PDE3A: variants seen among roughly 807,000 people sequenced by gnomAD.
PDE3A encodes the protein phosphodiesterase 3A.
Under a neutral mutation model 98.3 loss-of-function variants are expected in PDE3A, and 43 were observed. The observed-to-expected ratio is 0.44, with a 90% confidence interval of 0.34 to 0.56. PDE3A has a LOEUF of 0.56. Ranked by LOEUF, PDE3A falls within the 20% of genes least tolerant of loss-of-function variation. The pLI is 0.01. For missense variants in PDE3A, 1,427 were observed against 1,440.7 expected, an observed-to-expected ratio of 0.99 and a Z score of 0.15; for synonymous variants, 663 against 567.9, an observed-to-expected ratio of 1.17 and a Z score of -2.38.
chr12:20,521,581 T>C lies in PDE3A; in HGVS notation c.961-35079T>C, dbSNP rs1946428557. 2.0e-5 allele frequency among the ~76,000 whole-genome samples: 3 copies of C among 152,304 alleles called. No individual in the cohort carries two copies. The South Asian group carries it at 6.2e-4, about 32-fold the overall frequency. ...GTGTATTTTATACGATGCTTTGTAG[T>C]TTTGAAGTTTTGAGATAAATTATTT... On this transcript the variant is annotated intron_variant, in intron 1 of 15. Transcript: ENST00000359062.
At chr12:20,504,968 A>G (rs557372962) in intron 1 of PDE3A, among the ~76,000 whole-genome samples, 2 of 152,118 alleles carry the variant, frequency 1.3e-5, no homozygotes, top group South Asian at 4.1e-4. Context: ...TCTGCCAGGC[A>G]CTCTGAGTGT....
intron 1 of PDE3A, among the ~76,000 whole-genome samples, chr12:20,445,668 C>T (rs1944941776): frequency 6.6e-6 from 1 of 152,108 alleles, no homozygotes; most frequent in South Asian, 2.1e-4. Flanking sequence ...GGAATATGGC[C>T]TCACCTTTTC....
chr12:20,589,288 G>C (rs1018665882), intron 2 of PDE3A, among the ~76,000 whole-genome samples: 3 of 151,774 alleles, frequency 2.0e-5, no homozygotes, highest in Non-Finnish European at 4.4e-5. Flanking sequence ...TTGACTTTCA[G>C]AGCAAATTGG....
Position 20,598,832 on chromosome 12 carries a change from C to T in PDE3A, c.1012-14611C>T, listed in dbSNP as rs143544782. Among the ~76,000 whole-genome samples the T allele has an allele frequency of 3.9e-3, 587 of 152,254 alleles. 6 individuals carry two copies. The highest frequency in any genetic ancestry group is 0.013 in the African/African-American group (554 of 41,546). ...AAATGATTCTCCTTAATGTAACTTT[C>T]ACTCTTTTCTTCCTGGGACATTCAT... On this transcript the variant is annotated intron_variant, in intron 2 of 15. Coordinates refer to ENST00000359062, the MANE Select transcript of PDE3A (RefSeq NM_000921.5).
intron 15 of PDE3A, among the ~76,000 whole-genome samples, chr12:20,666,745 T>C (rs1945324019): frequency 6.6e-6 from 1 of 152,122 alleles, no homozygotes; most frequent in Non-Finnish European, 1.5e-5. Context: ...AATATGGGGG[T>C]GCAATTATCT....
At position 20,671,698 on chromosome 12, in the gene PDE3A, T is replaced by C. The variant is rs1267791868; in HGVS notation, c.3185-8332T>C. 4.9e-4 allele frequency among the ~76,000 whole-genome samples: 71 copies of C among 145,554 alleles called. 1 individual carries two copies. Among genetic ancestry groups the C allele is most frequent in the Admixed American group, 4.9e-4 (7 of 14,430 alleles). On this transcript the variant is annotated intron_variant, in intron 15 of 15. Transcript: ENST00000359062. ...TAAATTAGGTATTGATGGGACATAT[T>C]TCAAAATAATAAGAGCTATCTATGA... is the stretch of plus-strand genomic sequence containing the variant.
At chr12:20,661,026 T>C (rs1323116934) in intron 15 of PDE3A, among the ~76,000 whole-genome samples, 1 of 152,196 alleles carries the variant, frequency 6.6e-6, no homozygotes, top group Non-Finnish European at 1.5e-5. Context: ...ACTTGTTGAA[T>C]GGCTTTGACA....
intron 10 of PDE3A, among the ~76,000 whole-genome samples, chr12:20,641,259 A>G (rs1164482021): frequency 6.6e-6 from 1 of 152,128 alleles, no homozygotes; most frequent in Non-Finnish European, 1.5e-5. Context: ...GGAGTACGGG[A>G]AAGAGGAGCT....
chr12:20,483,820 C>T (rs1245386621), intron 1 of PDE3A, among the ~76,000 whole-genome samples: 1 of 152,152 alleles, frequency 6.6e-6, no homozygotes, highest in Non-Finnish European at 1.5e-5. Context: ...TGTTTTACTT[C>T]TCATAGCCTT....
At chr12:20,429,191 G>A (rs1005807674) in intron 1 of PDE3A, among the ~76,000 whole-genome samples, 1 of 152,312 alleles carries the variant, frequency 6.6e-6, no homozygotes, top group African/African-American at 2.4e-5. Flanking sequence ...ACATAACATA[G>A]TGAATTGCTT....
At chr12:20,677,307 G>A (rs529038978) in intron 15 of PDE3A, among the ~76,000 whole-genome samples, 4 of 151,990 alleles carry the variant, frequency 2.6e-5, no homozygotes, top group Non-Finnish European at 5.9e-5. Context: ...TGAATTATCT[G>A]GGATTTCAAA....
chr12:20,418,349 T>C (rs1377143822), intron 1 of PDE3A, among the ~76,000 whole-genome samples: 1 of 152,114 alleles, frequency 6.6e-6, no homozygotes, highest in East Asian at 1.9e-4. Flanking sequence ...CCTTGTTGCT[T>C]TGAGGAATGC....
Position 20,684,066 on chromosome 12 carries a change from TATC to T in PDE3A, c.*3798_*3800del, listed in dbSNP as rs1165656352. The T allele has an allele frequency of 8.5e-5, 13 of 152,132 alleles. No homozygotes were observed. Among genetic ancestry groups the T allele is most frequent in the Non-Finnish European group, 1.8e-4 (12 of 67,998 alleles). 9.4% of individuals were successfully genotyped at this position (152,132 alleles called of 1,614,324 possible). On this transcript the variant is annotated 3_prime_UTR_variant, in exon 16 of 16. Coordinates refer to ENST00000359062, the MANE Select transcript of PDE3A (RefSeq NM_000921.5). ...TTCTAAGTAATAAAAGTATAAAAAT[TATC>T]ATTATAAATAAAGTCTAAAGTTTGA...
chr12:20,554,030 A>T (rs1274648025), intron 1 of PDE3A, among the ~76,000 whole-genome samples: 1 of 151,412 alleles, frequency 6.6e-6, no homozygotes, highest in Admixed American at 6.6e-5. Context: ...TTCTAAATGA[A>T]TTTTTTTGTA....
chr12:20,663,345 G>T (rs918944172), intron 15 of PDE3A, among the ~76,000 whole-genome samples: 1 of 152,168 alleles, frequency 6.6e-6, no homozygotes, highest in African/African-American at 2.4e-5. Context: ...TAAGAAGAGG[G>T]CCATTGTCCT....
intron 15 of PDE3A, among the ~76,000 whole-genome samples, chr12:20,678,590 C>A (rs1945695669): frequency 2.0e-5 from 3 of 152,174 alleles, no homozygotes; most frequent in African/African-American, 7.2e-5. Context: ...TTACTTGTTC[C>A]TGCGTTTGTC....
intron 1 of PDE3A, among the ~76,000 whole-genome samples, chr12:20,518,365 A>G (rs1946359861): frequency 2.6e-5 from 4 of 152,174 alleles, no homozygotes; most frequent in Non-Finnish European, 5.9e-5. Flanking sequence ...CTGAACTTTT[A>G]GAGGGCTCAG....
rs556864221 is a variant in PDE3A at position 20,650,816 on chromosome 12, A to G, written c.2925+216A>G. The stretch of plus-strand genomic sequence containing the variant: ...GAACTCTATGATAAAAGTTATTTGC[A>G]AGCATTTGGGGGAAGAAGATATTGA... On this transcript the variant is annotated intron_variant, in intron 14 of 15. Transcript: ENST00000359062. Among the ~76,000 whole-genome samples, 6 of 93,314 alleles carry G rather than the reference A, an allele frequency of 6.4e-5. No homozygotes were observed. The East Asian group carries it at 3.1e-3, about 49-fold the overall frequency. The allele number at this position is 93,314 out of a possible 152,430, so 61.2% of individuals were successfully genotyped here. A position where few individuals can be genotyped will look rare whatever the true frequency, so the allele number is the denominator to read the frequency against.
At chr12:20,444,559 G>A (rs1755698787) in intron 1 of PDE3A, among the ~76,000 whole-genome samples, 1 of 152,162 alleles carries the variant, frequency 6.6e-6, no homozygotes, top group African/African-American at 2.4e-5. Context: ...CCTATATGTA[G>A]CAGCTGGGTT....
Sources: gnomAD v4.1 joint callset for allele counts (sites outside exome capture counted in the v4.1 genomes callset) on GRCh38, gnomAD v4.1.1 for gene constraint, MANE v1.5 for transcripts, NCBI Gene and HGNC (gene_info 2026-07-23, HGNC 2026-07-21) for gene names.